Variants in ZFP57 observed in about 807,000 individuals in gnomAD.
ZFP57 encodes zinc finger protein 57 homolog.
ZFP57 carries 12 observed loss-of-function variants against 15.8 expected under a neutral mutation model. That is an observed-to-expected ratio of 0.76 (90% CI 0.49 to 1.23). The LOEUF is 1.23. Ranked by LOEUF, ZFP57 falls within the 50% of genes most tolerant of loss-of-function variation. The pLI is 0.00. For synonymous variants in ZFP57, 203 were observed against 242.3 expected, an observed-to-expected ratio of 0.84 and a Z score of 1.51; for missense variants, 536 against 654.9, an observed-to-expected ratio of 0.82 and a Z score of 1.98.
At chr6:29,675,541 C>G in intron 3 of ZFP57, 54 bp from the exon 4 acceptor site, 1 of 1,372,744 alleles carries the variant, frequency 7.3e-7, no homozygotes, top group Non-Finnish European at 1.0e-6. Context: ...GGCCCCTTCA[C>G]ATCTGATGGG....
chr6:29,679,526 T>C (rs1772230427), intron 1 of ZFP57, among the ~76,000 whole-genome samples: 1 of 152,280 alleles, frequency 6.6e-6, no homozygotes, highest in Admixed American at 6.5e-5. Context: ...TCAAAACCAT[T>C]CGCACTCCTT....
At chr6:29,675,068 G>A (rs1283135100) in intron 4 of ZFP57, among the ~76,000 whole-genome samples, 4 of 149,456 alleles carry the variant, frequency 2.7e-5, no homozygotes, top group African/African-American at 7.4e-5. Flanking sequence ...CAGGAGAATC[G>A]CTTGAACCCG....
intron 1 of ZFP57, among the ~76,000 whole-genome samples, chr6:29,680,300 G>C (rs904940852): frequency 4.1e-4 from 62 of 152,092 alleles, no homozygotes; most frequent in African/African-American, 1.4e-3. Context: ...TCAGTCCTTT[G>C]AGTGCACCCA....
chr6:29,680,608 T>C (rs1046059994), intron 1 of ZFP57, among the ~76,000 whole-genome samples: 1 of 152,092 alleles, frequency 6.6e-6, no homozygotes, highest in Non-Finnish European at 1.5e-5. Context: ...CCTCCGCGCT[T>C]AGTTTGTCAT....
At chr6:29,679,506 T>C (rs991987832) in intron 1 of ZFP57, among the ~76,000 whole-genome samples, 6 of 152,190 alleles carry the variant, frequency 3.9e-5, no homozygotes, top group Admixed American at 2.0e-4. Context: ...TCCCTTTCCT[T>C]TCCTGTCTTT....
In ZFP57 at chr6:29,673,507, T is replaced by C. The variant is rs772922271; in HGVS notation, c.604A>G (p.Thr202Ala). The change falls in exon 5 of 5, where the codon ACT becomes GCT. Residue 202 changes from threonine to alanine, a missense_variant. By Grantham distance (58) the Thr-to-Ala change is moderately conservative. Transcript: ENST00000376883. The surrounding 1 kb of genome is among the most constrained non-coding windows in gnomAD (Gnocchi z 4.7). ...SHQFVHNPKLTNSCSQCGKLF... is the reference protein window; with the variant it reads ...SHQFVHNPKLANSCSQCGKLF... ...TTCCCACACTGACTGCAGCTGTTAGTCAGCTTGGGATTGTGAACAAACTGG... is the reference window on the plus strand; with the variant it reads ...TTCCCACACTGACTGCAGCTGTTAGCCAGCTTGGGATTGTGAACAAACTGG... The C allele has an allele frequency of 6.2e-7, 1 of 1,613,102 alleles. No homozygotes were observed. Among genetic ancestry groups the C allele is most frequent in the South Asian group, 1.1e-5 (1 of 91,080 alleles).
At chr6:29,675,515 A>G in intron 3 of ZFP57, 28 bp from the exon 4 acceptor site, 1 of 1,587,592 alleles carries the variant, frequency 6.3e-7, no homozygotes, top group Non-Finnish European at 8.7e-7. Context: ...GAAAGAGTTG[A>G]GTTGGTCCCA....
intron 1 of ZFP57, among the ~76,000 whole-genome samples, chr6:29,679,902 CAAACAAACAAAA>C (rs1186401516): frequency 2.8e-3 from 250 of 90,894 alleles, no homozygotes; most frequent in African/African-American, 0.012. Context: ...AACAAACAAA[CAAACAAACAAAA>C]AAAAACGCCT....
In ZFP57 at chr6:29,673,552, G is replaced by A. The variant is rs61730330; in HGVS notation, c.559C>T (p.Arg187Cys). The A allele has an allele frequency of 0.043, 70,159 of 1,612,942 alleles. 2,320 individuals are homozygous for A. The highest frequency in any genetic ancestry group is 0.061 in the Middle Eastern group (372 of 6,062). The change falls in exon 5 of 5, where the codon CGC becomes TGC. Residue 187 changes from arginine to cysteine, a missense_variant. Arg to Cys is a radical substitution (Grantham distance 180). Coordinates refer to ENST00000376883, the MANE Select transcript of ZFP57 (RefSeq NM_001109809.5). This position sits in a 1 kb window ranked among gnomAD's most constrained non-coding sequence, Gnocchi z 4.7. ...CYTCGKCFSR[R>C]SYLYSHQFVH... The stretch of plus-strand genomic sequence containing the variant: ...AACTGGTGGCTATAGAGGTAGGAGC[G>A]CCTGCTGAAACATTTGCCACAGGTG...
At chr6:29,678,804 C>T (rs1264777197) in intron 1 of ZFP57, among the ~76,000 whole-genome samples, 4 of 152,096 alleles carry the variant, frequency 2.6e-5, no homozygotes, top group African/African-American at 7.2e-5. Flanking sequence ...GGGTGGGGCG[C>T]GGTGGATCAC....
chr6:29,672,911 G>A lies in ZFP57; in HGVS notation c.1200C>T (p.Ser400=), dbSNP rs1771780187. 1 of 1,613,072 alleles carries A rather than the reference G, an allele frequency of 6.2e-7. No homozygotes were observed. ...SLTFSKKSYL[S]RHQKAHLTEP... is the part of the protein sequence containing the mutation. Reference sequence around the variant, plus strand: ...CTGTGAGGTGGGCCTTCTGGTGTCTGGAGAGATAGGATTTCTTGCTAAAAG... The same window carrying A: ...CTGTGAGGTGGGCCTTCTGGTGTCTAGAGAGATAGGATTTCTTGCTAAAAG... The change falls in exon 5 of 5, where the codon TCC becomes TCT. Residue 400 remains serine (S), a synonymous_variant. Coordinates refer to ENST00000376883, the MANE Select transcript of ZFP57 (RefSeq NM_001109809.5).
chr6:29,676,681 T>C (rs1328877144), intron 2 of ZFP57, among the ~76,000 whole-genome samples, 200 bp downstream of exon 2: 1 of 152,136 alleles, frequency 6.6e-6, no homozygotes, highest in East Asian at 1.9e-4. Flanking sequence ...GCTGCCACTC[T>C]AACAAATTTC....
In ZFP57 at chr6:29,679,014, G is replaced by A. The variant is rs1772204222; in HGVS notation, c.-363-1648C>T. Among the ~76,000 whole-genome samples, 5 of 151,068 alleles carry A rather than the reference G, an allele frequency of 3.3e-5. 1 individual carries two copies. The South Asian group carries it at 1.1e-3, about 32-fold the overall frequency. ...TGTACTCCAGCCTGGGTGACAGAGCGAGATTCTGCCTCAAACAACAACAAA... is the reference window on the plus strand; with the variant it reads ...TGTACTCCAGCCTGGGTGACAGAGCAAGATTCTGCCTCAAACAACAACAAA... On this transcript the variant is annotated intron_variant, in intron 1 of 4. Coordinates refer to ENST00000376883, the MANE Select transcript of ZFP57 (RefSeq NM_001109809.5).
Position 29,676,012 on chromosome 6 carries a change from C to T in ZFP57, c.171G>A (p.Glu57=). The T allele has an allele frequency of 6.2e-7, 1 of 1,613,588 alleles. No homozygotes were observed. The highest frequency in any genetic ancestry group is 2.2e-5 in the East Asian group (1 of 44,876). ...TCTGGCTGGCATCTAGACAGTCCCA[C>T]TCTTCCTGGGTGAAATTCACTGCCA... ...EDVAVNFTQE[E]WDCLDASQRV... The change falls in exon 3 of 5, where the codon GAG becomes GAA. Residue 57 remains glutamate (E), a synonymous_variant. Coordinates refer to ENST00000376883, the MANE Select transcript of ZFP57 (RefSeq NM_001109809.5).
intron 1 of ZFP57, among the ~76,000 whole-genome samples, chr6:29,678,994 T>C (rs1488382425): frequency 1.3e-5 from 2 of 152,180 alleles, no homozygotes; most frequent in Non-Finnish European, 2.9e-5. Context: ...GCCACTGTAC[T>C]CCAGCCTGGG....
intron 2 of ZFP57, among the ~76,000 whole-genome samples, chr6:29,676,606 G>A (rs920177202): frequency 6.6e-6 from 1 of 151,998 alleles, no homozygotes; most frequent in Non-Finnish European, 1.5e-5. Context: ...TAAGATGTGG[G>A]GGAGAGGAAA....
In ZFP57 at chr6:29,673,836, G is replaced by A. The variant is rs28454267; in HGVS notation, c.353-78C>T. ...AGGCTTGGCATGGTGGCTCACACCT[G>A]TAATCCCAGCACTTTGGGAGGCCGA... On this transcript the variant is annotated intron_variant, in intron 4 of 4. Coordinates refer to ENST00000376883, the MANE Select transcript of ZFP57 (RefSeq NM_001109809.5). This position sits in a 1 kb window ranked among gnomAD's most constrained non-coding sequence, Gnocchi z 4.7. 0.055 allele frequency: 86,388 copies of A among 1,572,536 alleles called. 3,305 individuals carry two copies. Among genetic ancestry groups the A allele is most frequent in the African/African-American group, 0.18 (13,685 of 74,126 alleles).
chr6:29,673,302 TC>T lies in ZFP57; in HGVS notation c.808del (p.Asp270ThrfsTer26). 6.2e-7 allele frequency: 1 copy of T among 1,612,978 alleles called. No individual in the cohort carries two copies. Among genetic ancestry groups the T allele is most frequent in the Non-Finnish European group, 8.5e-7 (1 of 1,180,016 alleles). On this transcript the variant is annotated frameshift_variant, in exon 5 of 5. Coordinates refer to ENST00000376883, the MANE Select transcript of ZFP57 (RefSeq NM_001109809.5). LOFTEE classifies it low-confidence loss of function (END_TRUNC). The surrounding 1 kb of genome is among the most constrained non-coding windows in gnomAD (Gnocchi z 4.7). ...SCSVCGKSFRDQSELKRHQKI... is the reference protein window; with the variant it reads ...SCSVCGKSFRXQSELKRHQKI... ...CTGGTGGCGTTTGAGCTCAGACTGG[TC>T]CCGGAAGCTCTTCCCACACACAGAG... is the stretch of plus-strand genomic sequence containing the variant.
Position 29,675,954 on chromosome 6 carries a change from A to G in ZFP57, c.229T>C (p.Phe77Leu). 1.2e-6 allele frequency: 2 copies of G among 1,613,292 alleles called. No individual in the cohort carries two copies. The highest frequency in any genetic ancestry group is 1.7e-6 in the Non-Finnish European group (2 of 1,180,026). The part of the protein sequence containing the change: ...VLYQDVMSET[F>L]KNLTSVARIF... ...TTACCCACAGATGTTAGATTCTTAA[A>G]GGTTTCCGACATAACATCCTGGTAA... The change falls in exon 3 of 5, where the codon TTT (phenylalanine) becomes CTT (leucine). Residue 77 changes from phenylalanine to leucine, a missense_variant. Coordinates refer to ENST00000376883, the MANE Select transcript of ZFP57 (RefSeq NM_001109809.5).
Sources: allele counts gnomAD v4.1 joint callset (sites outside exome capture counted in the v4.1 genomes callset), GRCh38; gene constraint gnomAD v4.1.1; non-coding constraint Gnocchi (gnomAD v3.1); transcripts MANE v1.5; gene names NCBI Gene and HGNC (gene_info 2026-07-23, HGNC 2026-07-21).